PCNX2: variants seen among roughly 807,000 people sequenced by gnomAD.
PCNX2 encodes pecanex-like protein 2.
In PCNX2, 168 loss-of-function variants were observed where a neutral mutation model predicts 223.8. That is an observed-to-expected ratio of 0.75 (90% CI 0.66 to 0.85). The LOEUF is 0.85. Among genes scored for constraint, PCNX2 ranks in the 40% least tolerant of loss-of-function variants. PCNX2 has a pLI of 0.00. For synonymous variants in PCNX2, 1,006 were observed against 1,052.6 expected (o/e 0.96, Z 0.86); for missense variants, 2,507 against 2,675.5 (o/e 0.94, Z 1.39).
rs190774524 is a variant in PCNX2 at position 233,092,973 on chromosome 1, G to A, written c.3946+2782C>T. 2.1e-3 allele frequency among the ~76,000 whole-genome samples: 326 copies of A among 152,048 alleles called. 1 individual carries two copies. Among genetic ancestry groups the A allele is most frequent in the Middle Eastern group, 6.8e-3 (2 of 294 alleles). On this transcript the variant is annotated intron_variant, in intron 22 of 33. Transcript: ENST00000258229. ...ACTACCATGCCCGGCTAATTTTTTTGTATTTTTAGTAGAGACGGGGTTTCA... is the reference window on the plus strand; with the variant it reads ...ACTACCATGCCCGGCTAATTTTTTTATATTTTTAGTAGAGACGGGGTTTCA...
At chr1:233,130,336 A>G (rs1451087173) in intron 21 of PCNX2, among the ~76,000 whole-genome samples, 1 of 152,028 alleles carries the variant, frequency 6.6e-6, no homozygotes, top group Non-Finnish European at 1.5e-5. Flanking sequence ...ACACCCACGT[A>G]TCCACACACA....
chr1:233,079,605 T>A (rs952461824), intron 23 of PCNX2, among the ~76,000 whole-genome samples: 4 of 149,370 alleles, frequency 2.7e-5, no homozygotes, highest in African/African-American at 9.9e-5. Flanking sequence ...TTATTAGGAG[T>A]CTTTTGATTT....
chr1:233,230,495 C>T (rs1657999919), intron 9 of PCNX2, among the ~76,000 whole-genome samples: 1 of 152,156 alleles, frequency 6.6e-6, no homozygotes, highest in East Asian at 1.9e-4. Context: ...TAGGGGAAGT[C>T]ACTGATGTCA....
intron 1 of PCNX2, chr1:233,292,137 TACTC>T: frequency 5.9e-6 from 4 of 674,112 alleles, no homozygotes; most frequent in Non-Finnish European, 7.3e-6. Flanking sequence ...ATATTTAAAA[TACTC>T]AAAGTATCTG....
chr1:233,292,202 CTTT>C (rs963996089), intron 1 of PCNX2, among the ~76,000 whole-genome samples: 2 of 109,486 alleles, frequency 1.8e-5, no homozygotes, highest in Admixed American at 9.2e-5. Context: ...TTCTTTCTTT[CTTT>C]TTTTTTTTTT....
chr1:233,075,740 A>ACACACAC (rs1558208132), intron 23 of PCNX2, among the ~76,000 whole-genome samples: 21 of 122,448 alleles, frequency 1.7e-4, no homozygotes, highest in Admixed American at 5.3e-4. Flanking sequence ...CACACACACA[A>ACACACAC]CAGAAAAGAA....
chr1:233,294,703 C>T (rs114551744), intron 1 of PCNX2, among the ~76,000 whole-genome samples: 2,416 of 152,292 alleles, frequency 0.016, 55 homozygotes, highest in African/African-American at 0.055. Flanking sequence ...CAAGCACTCA[C>T]TTACCATAAC....
chr1:233,252,978 A>T (rs1168570994), intron 5 of PCNX2, among the ~76,000 whole-genome samples, 190 bp from the exon 6 acceptor site: 1 of 152,214 alleles, frequency 6.6e-6, no homozygotes, highest in Non-Finnish European at 1.5e-5. Context: ...GAAAAACAGA[A>T]GTATGTATAA....
intron 1 of PCNX2, among the ~76,000 whole-genome samples, chr1:233,266,816 T>C (rs78445400): frequency 0.01 from 1,539 of 152,340 alleles, 13 homozygotes; most frequent in South Asian, 0.027. Flanking sequence ...AAAAGTTTTA[T>C]GTTGTTTTCT....
chr1:233,123,993 T>C (rs538323923), intron 21 of PCNX2, among the ~76,000 whole-genome samples: 11 of 152,240 alleles, frequency 7.2e-5, no homozygotes, highest in Non-Finnish European at 1.5e-4. Context: ...TATAGAGGTA[T>C]CATTTATTAT....
intron 19 of PCNX2, among the ~76,000 whole-genome samples, chr1:233,145,058 G>A (rs1427253253): frequency 6.7e-5 from 10 of 150,328 alleles, no homozygotes; most frequent in Non-Finnish European, 1.2e-4. Flanking sequence ...TCCGTCTCCC[G>A]GGTTCAAGCC....
chr1:233,228,506 C>T (rs1245463166), intron 9 of PCNX2, among the ~76,000 whole-genome samples: 2 of 152,166 alleles, frequency 1.3e-5, no homozygotes, highest in South Asian at 2.1e-4. Context: ...TACCCTCCCC[C>T]CAGCCTCTGG....
chr1:233,211,595 G>A (rs1229099696), intron 12 of PCNX2: 1 of 174,208 alleles, frequency 5.7e-6, no homozygotes, highest in Non-Finnish European at 1.1e-5. Context: ...ATTTTGATAA[G>A]AGTAAACTGA....
chr1:233,083,262 AG>A (rs559539548), intron 23 of PCNX2, among the ~76,000 whole-genome samples: 96 of 152,274 alleles, frequency 6.3e-4, no homozygotes, highest in Non-Finnish European at 1.1e-3. Context: ...ATTTCACACA[AG>A]GAACAGTTTG....
chr1:233,321,392 G>C, the PCNX2 span, among the ~76,000 whole-genome samples: 1 of 152,094 alleles, frequency 6.6e-6, no homozygotes, highest in South Asian at 2.1e-4. Context: ...CTGCCTCCCA[G>C]GCTCAAGTGA....
At chr1:233,135,484 A>C (rs538010713) in intron 20 of PCNX2, among the ~76,000 whole-genome samples, 1 of 152,164 alleles carries the variant, frequency 6.6e-6, no homozygotes, top group Admixed American at 6.5e-5. Flanking sequence ...TCTTTCCATC[A>C]CATGCTTTTC....
chr1:233,187,294 A>T (rs1399492873), intron 15 of PCNX2, among the ~76,000 whole-genome samples: 1 of 152,154 alleles, frequency 6.6e-6, no homozygotes, highest in African/African-American at 2.4e-5. Context: ...TTACATACAG[A>T]AAAAAACAAG....
At chr1:233,076,838 G>A (rs1342984233) in intron 23 of PCNX2, among the ~76,000 whole-genome samples, 2 of 152,084 alleles carry the variant, frequency 1.3e-5, no homozygotes, top group Non-Finnish European at 2.9e-5. Flanking sequence ...AAATAATTTG[G>A]CTTGGAAACA....
rs1676567993 is a variant in PCNX2, at chr1:233,132,663, T to C, written c.3837+2350A>G. Among the ~76,000 whole-genome samples, 4 of 152,214 alleles carry C rather than the reference T, an allele frequency of 2.6e-5. No individual in the cohort carries two copies. In the South Asian group the frequency reaches 8.3e-4, roughly 31 times the overall value. On this transcript the variant is annotated intron_variant, in intron 21 of 33. Transcript: ENST00000258229. ...GCCACATTCCTTCACAAACACAGTG[T>C]GTCACTTCCTTTTTCTACTTACATA...
Sources: gnomAD v4.1 joint callset for allele counts (sites outside exome capture counted in the v4.1 genomes callset) on GRCh38, gnomAD v4.1.1 for gene constraint, MANE v1.5 for transcripts, NCBI Gene and HGNC (gene_info 2026-07-23, HGNC 2026-07-21) for gene names.